CARHSP1: variants seen among roughly 807,000 people sequenced by gnomAD.
CARHSP1 encodes calcium regulated heat stable protein 1, also known as calcium-regulated heat-stable protein 1.
CARHSP1 carries 14 observed loss-of-function variants against 12.5 expected under a neutral mutation model. That is an observed-to-expected ratio of 1.12 (90% confidence interval 0.74 to 1.75). CARHSP1 has a LOEUF of 1.75. Among genes scored for constraint, CARHSP1 ranks in the 40% most tolerant of loss-of-function variants. The probability of loss-of-function intolerance (pLI) is 0.00; values close to 1 mark genes in which losing one functional copy is unlikely to be tolerated. For missense variants in CARHSP1, 343 were observed against 201.6 expected, an observed-to-expected ratio of 1.70 and a Z score of -4.25; for synonymous variants, 161 against 82.0, an observed-to-expected ratio of 1.96 and a Z score of -5.20.
At chr16:8,862,934 C>G (rs992802126) in intron 1 of CARHSP1, among the ~76,000 whole-genome samples, 1 of 152,016 alleles carries the variant, frequency 6.6e-6, no homozygotes, top group African/African-American at 2.4e-5. Context: ...TTTCTCCACC[C>G]AAGCCCCCTC....
chr16:8,861,201 T>A (rs2061343758), intron 1 of CARHSP1, among the ~76,000 whole-genome samples: 1 of 59,806 alleles, frequency 1.7e-5, no homozygotes, highest in Admixed American at 2.4e-4. Context: ...TTTTTTTTTA[T>A]AGAGACAGGG....
chr16:8,860,653 G>A (rs971334954), intron 1 of CARHSP1: 1 of 150,742 alleles, frequency 6.6e-6, no homozygotes, highest in Non-Finnish European at 9.0e-6. Context: ...GAAGTAGGGA[G>A]AAGCCTAACT....
Position 8,859,107 on chromosome 16 carries a change from T to C in CARHSP1, c.158+64A>G. ...GGCCCAAAAATGGCCAGAGACACAG[T>C]GAATCTCTGGCCTCAGGCAAGAGAT... On this transcript the variant is annotated intron_variant, in intron 2 of 3. Transcript: ENST00000311052. 2.1e-6 allele frequency: 3 copies of C among 1,457,048 alleles called. No homozygotes were observed. The South Asian group carries it at 4.0e-5, about 20-fold the overall frequency. 90.3% of individuals were successfully genotyped at this position (1,457,048 alleles called of 1,614,324 possible).
chr16:8,858,233 G>A (rs2061213718), intron 3 of CARHSP1, 117 bp downstream of exon 3: 2 of 1,246,068 alleles, frequency 1.6e-6, no homozygotes, highest in Non-Finnish European at 2.2e-6. Context: ...GAGTCACACA[G>A]GCCCAGCCAT....
chr16:8,856,732 C>A (rs1596525078), intron 3 of CARHSP1, among the ~76,000 whole-genome samples: 1 of 152,082 alleles, frequency 6.6e-6, no homozygotes, highest in South Asian at 2.1e-4. Flanking sequence ...CTCTGTCTGC[C>A]CCTGCCTGAA....
chr16:8,862,014 T>TTTTTTTTTTTTTTTTTTG, intron 1 of CARHSP1, among the ~76,000 whole-genome samples: 1 of 132,192 alleles, frequency 7.6e-6, no homozygotes, highest in Non-Finnish European at 1.6e-5. Context: ...TTTTTTTTTT[T>TTTTTTTTTTTTTTTTTTG]TTTAATTTGA....
chr16:8,861,919 G>C (rs1192689421), intron 1 of CARHSP1: 6 of 615,282 alleles, frequency 9.8e-6, no homozygotes, highest in African/African-American at 7.9e-5. Context: ...TCCACAGTTA[G>C]AGACACTGCC....
chr16:8,855,648 G>A (rs1199907399), intron 3 of CARHSP1, among the ~76,000 whole-genome samples: 2 of 151,896 alleles, frequency 1.3e-5, no homozygotes, highest in Non-Finnish European at 2.9e-5. Context: ...TGACTGAAGA[G>A]TAAAGACAGC....
intron 3 of CARHSP1, 148 bp from the exon 4 acceptor site, chr16:8,855,474 C>CTGGTGGAGGGG: frequency 4.7e-6 from 3 of 632,604 alleles, no homozygotes; most frequent in Non-Finnish European, 7.3e-6. Context: ...AACTGCCCCT[C>CTGGTGGAGGGG]CACCAGAGGG....
chr16:8,866,575 T>C (rs554420738), intron 1 of CARHSP1: 4 of 469,516 alleles, frequency 8.5e-6, no homozygotes, highest in East Asian at 1.5e-4. Context: ...GAAGGGTCCC[T>C]GGAAGCGATA....
chr16:8,864,069 T>C (rs1305839036), intron 1 of CARHSP1, among the ~76,000 whole-genome samples: 1 of 152,180 alleles, frequency 6.6e-6, no homozygotes, highest in Non-Finnish European at 1.5e-5. Flanking sequence ...TGCAACAAAC[T>C]TCGACCAAAT....
chr16:8,862,074 C>A (rs949453937), intron 1 of CARHSP1, among the ~76,000 whole-genome samples: 14 of 143,984 alleles, frequency 9.7e-5, no homozygotes, highest in South Asian at 2.3e-4. Flanking sequence ...ACAATCTCGG[C>A]TCACTGCAAC....
At chr16:8,861,878 G>T (rs118114637) in intron 1 of CARHSP1, 62,645 of 1,125,706 alleles carry the variant, frequency 0.056, 1,967 homozygotes, top group Middle Eastern at 0.074. Context: ...AGGCCTCCCA[G>T]GACAGCAGAT....
chr16:8,860,568 C>G (rs902081398), intron 1 of CARHSP1: 8 of 973,894 alleles, frequency 8.2e-6, no homozygotes, highest in Non-Finnish European at 9.8e-6. Flanking sequence ...GGCTCAGTTT[C>G]CGAATCTGCA....
chr16:8,867,411 A>C (rs1285562933), intron 1 of CARHSP1: 1 of 152,282 alleles, frequency 6.6e-6, no homozygotes, highest in Non-Finnish European at 1.5e-5. Flanking sequence ...TGCCAAGCGC[A>C]CGGCGGGCTC....
intron 3 of CARHSP1, among the ~76,000 whole-genome samples, chr16:8,856,545 A>G (rs1264238861): frequency 1.3e-5 from 2 of 151,080 alleles, no homozygotes; most frequent in Non-Finnish European, 2.9e-5. Context: ...ATACCCTTAC[A>G]CATCCATGTA....
intron 1 of CARHSP1, among the ~76,000 whole-genome samples, chr16:8,865,962 T>A (rs1017567387): frequency 6.6e-6 from 1 of 152,130 alleles, no homozygotes; most frequent in African/African-American, 2.4e-5. Context: ...ATTTCTTTTT[T>A]ATTTTTTTTG....
At chr16:8,859,066 G>A in intron 2 of CARHSP1, 105 bp downstream of exon 2, 2 of 1,095,524 alleles carry the variant, frequency 1.8e-6, no homozygotes, top group Admixed American at 2.9e-5. Context: ...CTGCCTATTT[G>A]GCAGTCCGGG....
chr16:8,864,983 T>TG (rs377438997), intron 1 of CARHSP1, among the ~76,000 whole-genome samples: 75 of 152,300 alleles, frequency 4.9e-4, no homozygotes, highest in African/African-American at 1.7e-3. Flanking sequence ...CCTGCCCTCC[T>TG]GGCCTGAAAA....
Sources: allele counts gnomAD v4.1 joint callset (sites outside exome capture counted in the v4.1 genomes callset), GRCh38; gene constraint gnomAD v4.1.1; transcripts MANE v1.5; gene names NCBI Gene and HGNC (gene_info 2026-07-23, HGNC 2026-07-21).